Variants in VEGFA observed in about 807,000 individuals in gnomAD.
VEGFA encodes vascular endothelial growth factor A, long form.
VEGFA carries 20 observed loss-of-function variants against 49.7 expected under a neutral mutation model. That is an observed-to-expected ratio of 0.40 (90% confidence interval 0.28 to 0.58). The LOEUF is 0.58. VEGFA is among the 20% of genes least tolerant of loss of function. The pLI is 0.40. For missense variants in VEGFA, 505 were observed against 553.5 expected, an observed-to-expected ratio of 0.91 and a Z score of 0.88; for synonymous variants, 219 against 223.4, an observed-to-expected ratio of 0.98 and a Z score of 0.18.
intron 1 of VEGFA, 178 bp from the exon 2 acceptor site, chr6:43,774,163 G>C: frequency 1.5e-6 from 1 of 681,256 alleles, no homozygotes; most frequent in Non-Finnish European, 2.7e-6. Flanking sequence ...GTCCAGGAGT[G>C]GTGGGCATAT....
At chr6:43,782,783 AG>A (rs1197906147) in intron 7 of VEGFA, 4 of 157,652 alleles carry the variant, frequency 2.5e-5, no homozygotes, top group Non-Finnish European at 5.6e-5. Context: ...TCTGAGGGCA[AG>A]GGGTCTGGCT....
At chr6:43,782,165 C>A in intron 7 of VEGFA, 78 bp downstream of exon 7, 2 of 1,562,680 alleles carry the variant, frequency 1.3e-6, no homozygotes, top group Non-Finnish European at 1.7e-6. Context: ...AGAGAGTGAG[C>A]GAGCGAGCGA....
intron 6 of VEGFA, 62 bp from the exon 7 acceptor site, chr6:43,781,894 T>C: frequency 5.0e-6 from 8 of 1,599,282 alleles, no homozygotes; most frequent in South Asian, 2.2e-5. Flanking sequence ...TGCATGGTGA[T>C]TTTTTTTCTC....
intron 4 of VEGFA, 35 bp from the exon 5 acceptor site, chr6:43,778,854 T>G (rs1283357015): frequency 6.2e-7 from 1 of 1,613,442 alleles, no homozygotes; most frequent in African/African-American, 1.3e-5. Flanking sequence ...AACCCTTCCC[T>G]GTTTTGCTCT....
rs1245920957 is a variant in VEGFA, at chr6:43,784,523, G to A, written c.1167-18G>A. ...TCACTTGGCCCTAACCCCAGCCTTT[G>A]TTTTCCATTTCCCTCAGATGTGACA... On this transcript the variant is annotated intron_variant, in intron 7 of 7. Transcript: ENST00000672860. The A allele has an allele frequency of 6.2e-7, 1 of 1,614,030 alleles. No homozygotes were observed. Among genetic ancestry groups the A allele is most frequent in the Non-Finnish European group, 8.5e-7 (1 of 1,180,004 alleles).
In VEGFA at chr6:43,786,466, A is replaced by T. The variant is rs1209378776; in HGVS notation, c.*1904A>T. 1 of 167,286 alleles carries T rather than the reference A, an allele frequency of 6.0e-6. No individual in the cohort carries two copies. Among genetic ancestry groups the T allele is most frequent in the Non-Finnish European group, 1.3e-5 (1 of 76,704 alleles). The allele number at this position is 167,286 out of a possible 1,614,324, so 10.4% of individuals were successfully genotyped here. ...AAAAAAAAAAAGCATTTTGTATTAA[A>T]GAATTTAATTCTGATCTCAAAGCTC... On this transcript the variant is annotated 3_prime_UTR_variant, in exon 8 of 8. Transcript: ENST00000672860.
Position 43,786,107 on chromosome 6 carries a change from CATACTATAT to C in VEGFA, c.*1549_*1557del, listed in dbSNP as rs1769403164. ...GAAATAAGGTTTCAATATACATCTA[CATACTATAT>C]ATATATTTGGCAACTTGTATTTGTG... On this transcript the variant is annotated 3_prime_UTR_variant, in exon 8 of 8. Coordinates refer to ENST00000672860, the MANE Select transcript of VEGFA (RefSeq NM_003376.6). 1.1e-5 allele frequency: 2 copies of C among 179,662 alleles called. No individual in the cohort carries two copies. The highest frequency in any genetic ancestry group is 1.9e-4 in the East Asian group (2 of 10,476). 11.1% of individuals were successfully genotyped at this position (179,662 alleles called of 1,614,324 possible). A position where few individuals can be genotyped will look rare whatever the true frequency, so the allele number is the denominator to read the frequency against.
intron 5 of VEGFA, chr6:43,779,730 C>T (rs1237492927): frequency 8.6e-6 from 4 of 464,490 alleles, no homozygotes; most frequent in African/African-American, 2.0e-5. Flanking sequence ...GGAAACCTTC[C>T]TTCCACCCTT....
rs1301451927 is a variant in VEGFA at position 43,777,981 on chromosome 6, G to A, written c.855+316G>A. ...GAGTCCTGAGTGCCCCCCCTTCTTG[G>A]GGGCTTTGTTTGGGAAGCTGGATGA... On this transcript the variant is annotated intron_variant, in intron 3 of 7. Transcript: ENST00000672860. The surrounding 1 kb of genome is among the most constrained non-coding windows in gnomAD (Gnocchi z 4.3). 2 of 472,802 alleles carry A rather than the reference G, an allele frequency of 4.2e-6. No homozygotes were observed. The highest frequency in any genetic ancestry group is 1.9e-5 in the African/African-American group (1 of 51,436). 29.3% of individuals were successfully genotyped at this position (472,802 alleles called of 1,614,324 possible). A position where few individuals can be genotyped will look rare whatever the true frequency, so the allele number is the denominator to read the frequency against.
At chr6:43,781,500 G>A (rs983083842) in intron 6 of VEGFA, 7 of 288,028 alleles carry the variant, frequency 2.4e-5, no homozygotes, top group East Asian at 9.1e-5. Flanking sequence ...CACCGCCTCC[G>A]GGCTTAGCCT....
At chr6:43,781,747 T>G in intron 6 of VEGFA, 1 of 589,326 alleles carries the variant, frequency 1.7e-6, no homozygotes, top group African/African-American at 1.9e-5. Context: ...GCCCGCCTCT[T>G]CCTGCGGCAG....
rs1035083831 is a variant in VEGFA at position 43,782,541 on chromosome 6, A to G, written c.1166+454A>G. ...CTTGCCTCGGCCCTTTGAAGTCTGC[A>G]TGGCTGGGCTTCTCACTCACTCAGT... is the stretch of plus-strand genomic sequence containing the variant. On this transcript the variant is annotated intron_variant, in intron 7 of 7. Transcript: ENST00000672860. 1.8e-5 allele frequency: 5 copies of G among 270,872 alleles called. No individual in the cohort carries two copies. In the Admixed American group the frequency reaches 2.5e-4, roughly 13 times the overall value. 16.8% of individuals were successfully genotyped at this position (270,872 alleles called of 1,614,324 possible).
chr6:43,777,745 T>G lies in VEGFA; in HGVS notation c.855+80T>G, dbSNP rs2128029822. The G allele has an allele frequency of 6.8e-7, 1 of 1,463,028 alleles. No homozygotes were observed. Among genetic ancestry groups the G allele is most frequent in the Non-Finnish European group, 9.2e-7 (1 of 1,083,958 alleles). The allele number at this position is 1,463,028 out of a possible 1,614,324, so 90.6% of individuals were successfully genotyped here. On this transcript the variant is annotated intron_variant, in intron 3 of 7. Coordinates refer to ENST00000672860, the MANE Select transcript of VEGFA (RefSeq NM_003376.6). The surrounding 1 kb of genome is among the most constrained non-coding windows in gnomAD (Gnocchi z 4.3). ...TGGGAACAGGTGGTCCCAGGTCGTT[T>G]CCTGGCTAGATTTGCCTTGTCTGGC...
chr6:43,770,497 A>G lies in VEGFA; in HGVS notation c.-210A>G. ...GGAGATTGCTCTACTTCCCCAAATC[A>G]CTGTGGATTTTGGAAACCAGCAGAA... is the stretch of plus-strand genomic sequence containing the variant. On this transcript the variant is annotated 5_prime_UTR_variant, in exon 1 of 8. Coordinates refer to ENST00000672860, the MANE Select transcript of VEGFA (RefSeq NM_003376.6). 1 of 1,142,900 alleles carries G rather than the reference A, an allele frequency of 8.7e-7. No homozygotes were observed. The highest frequency in any genetic ancestry group is 1.1e-6 in the Non-Finnish European group (1 of 889,736). 70.8% of individuals were successfully genotyped at this position (1,142,900 alleles called of 1,614,324 possible). A position where few individuals can be genotyped will look rare whatever the true frequency, so the allele number is the denominator to read the frequency against.
At position 43,770,601 on chromosome 6, in the gene VEGFA, G is replaced by A. The variant is rs1330083765; in HGVS notation, c.-106G>A. On this transcript the variant is annotated 5_prime_UTR_variant, in exon 1 of 8. Transcript: ENST00000672860. ...GGTCAGAGAGAGCGCGCGGGCGTGC[G>A]AGCAGCGAAAGCGACAGGGGCAAAG... The A allele has an allele frequency of 4.9e-6, 7 of 1,426,504 alleles. No homozygotes were observed. The highest frequency in any genetic ancestry group is 5.8e-5 in the East Asian group (2 of 34,420). 88.4% of individuals were successfully genotyped at this position (1,426,504 alleles called of 1,614,324 possible).
rs1421145908 is a variant in VEGFA, at chr6:43,777,618, G to A, written c.808G>A (p.Glu270Lys). 2 of 1,612,322 alleles carry A rather than the reference G, an allele frequency of 1.2e-6. No individual in the cohort carries two copies. Among genetic ancestry groups the A allele is most frequent in the Admixed American group, 1.7e-5 (1 of 59,924 alleles). The change falls in exon 3 of 8, where the codon GAG becomes AAG. Residue 270 changes from glutamate (E) to lysine (K), a missense_variant. Physicochemically the swap from Glu to Lys is moderately conservative, Grantham distance 56. Around this residue, in one of 2 missense-constraint regions of VEGFA, gnomAD observed 165 missense variants for 231.7 expected, o/e 0.71. Coordinates refer to ENST00000672860, the MANE Select transcript of VEGFA (RefSeq NM_003376.6). This position sits in a 1 kb window ranked among gnomAD's most constrained non-coding sequence, Gnocchi z 4.3. ...GCGATGCGGGGGCTGCTGCAATGAC[G>A]AGGGCCTGGAGTGTGTGCCCACTGA... is the stretch of plus-strand genomic sequence containing the variant.
intron 4 of VEGFA, 69 bp downstream of exon 4, chr6:43,778,605 G>A: frequency 6.6e-7 from 1 of 1,515,630 alleles, no homozygotes; most frequent in Admixed American, 1.7e-5. Flanking sequence ...CCAGGGTTAA[G>A]CATGCTGTAC....
chr6:43,779,720 G>A (rs1012382455), intron 5 of VEGFA: 18 of 466,022 alleles, frequency 3.9e-5, no homozygotes, highest in African/African-American at 1.2e-4. Context: ...GAGGGGATGC[G>A]GAAACCTTCC....
chr6:43,771,363 C>T (rs767406344), intron 1 of VEGFA, 51 bp downstream of exon 1: 3 of 1,572,138 alleles, frequency 1.9e-6, no homozygotes, highest in Admixed American at 1.8e-5. Flanking sequence ...GCGCCTCTCC[C>T]GGCTGGGGAC....
Sources: gnomAD v4.1 joint callset for allele counts on GRCh38, gnomAD v4.1.1 for gene constraint, gnomAD v4.1.1 regional missense constraint, Gnocchi (gnomAD v3.1) non-coding constraint, MANE v1.5 for transcripts, NCBI Gene and HGNC (gene_info 2026-07-23, HGNC 2026-07-21) for gene names.